NUBPL: variants seen among roughly 807,000 people sequenced by gnomAD.
NUBPL encodes the protein iron-sulfur cluster transfer protein NUBPL.
In NUBPL, 31 loss-of-function variants were observed where a neutral mutation model predicts 45.7. The observed-to-expected ratio is 0.68, with a 90% CI of 0.51 to 0.92. The LOEUF is 0.92. NUBPL is among the 40% of genes least tolerant of loss of function. The pLI, the probability that NUBPL is intolerant of heterozygous loss-of-function variation, is 0.00. For synonymous variants in NUBPL, 144 were observed against 140.9 expected (o/e 1.02, Z -0.15); for missense variants, 401 against 398.7 (o/e 1.01, Z -0.05).
intron 8 of NUBPL, among the ~76,000 whole-genome samples, chr14:31,835,110 G>C (rs2040261208): frequency 6.6e-6 from 1 of 152,170 alleles, no homozygotes; most frequent in Non-Finnish European, 1.5e-5. Flanking sequence ...GTATCATGTG[G>C]GCGATAAGGG....
chr14:31,701,983 T>G (rs1595516137), intron 6 of NUBPL, among the ~76,000 whole-genome samples: 1 of 152,338 alleles, frequency 6.6e-6, no homozygotes, highest in East Asian at 1.9e-4. Flanking sequence ...ATAGTCCCCA[T>G]GAGACTGCCC....
Position 31,813,710 on chromosome 14 carries a change from G to C in NUBPL, c.608-12919G>C, listed in dbSNP as rs923037447. On this transcript the variant is annotated intron_variant, in intron 7 of 10. Coordinates refer to ENST00000281081, the MANE Select transcript of NUBPL (RefSeq NM_025152.3). ...TGGCCCCCAACCTCTGACAGACCCTGGTGTGTGATATTCCATTCCCTATGT... is the reference window on the plus strand; with the variant it reads ...TGGCCCCCAACCTCTGACAGACCCTCGTGTGTGATATTCCATTCCCTATGT... Among the ~76,000 whole-genome samples, 7 of 152,078 alleles carry C rather than the reference G, an allele frequency of 4.6e-5. No individual in the cohort carries two copies. The East Asian group carries it at 1.2e-3, about 25-fold the overall frequency.
chr14:31,715,510 A>G (rs2037667591), intron 6 of NUBPL, among the ~76,000 whole-genome samples: 1 of 152,260 alleles, frequency 6.6e-6, no homozygotes, highest in Non-Finnish European at 1.5e-5. Flanking sequence ...CTCCTAGGCT[A>G]CAAAATTGAA....
intron 6 of NUBPL, among the ~76,000 whole-genome samples, chr14:31,674,507 T>G (rs1266845683): frequency 6.6e-6 from 1 of 152,136 alleles, no homozygotes; most frequent in Non-Finnish European, 1.5e-5. Flanking sequence ...TTTCTCCTCT[T>G]TTACTGTCAG....
intron 4 of NUBPL, among the ~76,000 whole-genome samples, chr14:31,651,542 T>C (rs895462494): frequency 1.3e-5 from 2 of 152,178 alleles, no homozygotes; most frequent in African/African-American, 4.8e-5. Flanking sequence ...ACCACACATC[T>C]GATAAAGGGT....
intron 8 of NUBPL, among the ~76,000 whole-genome samples, chr14:31,837,197 T>TAA (rs745653630): frequency 2.0e-5 from 3 of 152,170 alleles, no homozygotes; most frequent in South Asian, 2.1e-4. Flanking sequence ...GGCATGCATC[T>TAA]GTAGTCTCAG....
intron 6 of NUBPL, among the ~76,000 whole-genome samples, chr14:31,750,181 T>A (rs7493374): frequency 0.28 from 15,354 of 54,986 alleles, 915 homozygotes; most frequent in South Asian, 0.46. Flanking sequence ...TATTATTATT[T>A]TTTTTTTTTT....
At chr14:31,735,517 C>G (rs944082869) in intron 6 of NUBPL, among the ~76,000 whole-genome samples, 2 of 152,064 alleles carry the variant, frequency 1.3e-5, no homozygotes, top group Non-Finnish European at 2.9e-5. Context: ...TGTTTCCCAC[C>G]GTTTTATTAA....
At chr14:31,767,472 C>T (rs1011030885) in intron 6 of NUBPL, among the ~76,000 whole-genome samples, 1 of 152,128 alleles carries the variant, frequency 6.6e-6, no homozygotes, top group East Asian at 1.9e-4. Flanking sequence ...CTCAGCCTCC[C>T]AAAGTGCTGG....
In NUBPL at chr14:31,860,716, G is replaced by C. The variant is rs749795935; in HGVS notation, c.*1536G>C. On this transcript the variant is annotated 3_prime_UTR_variant, in exon 11 of 11. Coordinates refer to ENST00000281081, the MANE Select transcript of NUBPL (RefSeq NM_025152.3). Reference sequence around the variant, plus strand: ...ACATTGATGTTTATTGCAATTTTATGTGTAATAACCAAAAACAACCCAGAT... The same window carrying C: ...ACATTGATGTTTATTGCAATTTTATCTGTAATAACCAAAAACAACCCAGAT... 1 of 152,106 alleles carries C rather than the reference G, an allele frequency of 6.6e-6. No homozygotes were observed. The highest frequency in any genetic ancestry group is 1.5e-5 in the Non-Finnish European group (1 of 68,030). The allele number at this position is 152,106 out of a possible 1,614,324, so 9.4% of individuals were successfully genotyped here. A position where few individuals can be genotyped will look rare whatever the true frequency, so the allele number is the denominator to read the frequency against.
intron 6 of NUBPL, among the ~76,000 whole-genome samples, chr14:31,774,360 G>A (rs1232445110): frequency 6.6e-6 from 1 of 152,230 alleles, no homozygotes; most frequent in Non-Finnish European, 1.5e-5. Flanking sequence ...TAAACTGCTT[G>A]AACCAGCTGA....
Position 31,666,258 on chromosome 14 carries a change from T to TGTAG in NUBPL, c.383-7097_383-7096insGTAG, listed in dbSNP as rs1566487145. Among the ~76,000 whole-genome samples, 55 of 59,216 alleles carry TGTAG rather than the reference T, an allele frequency of 9.3e-4. 1 individual carries two copies. Among genetic ancestry groups the TGTAG allele is most frequent in the African/African-American group, 3.3e-3 (49 of 14,664 alleles). 38.8% of individuals were successfully genotyped at this position (59,216 alleles called of 152,430 possible). On this transcript the variant is annotated intron_variant, in intron 4 of 10. Transcript: ENST00000281081. ...ATATATATATATATATATATATATA[T>TGTAG]ATATAATTTTATTTTATTTTTTTTG...
chr14:31,626,939 G>GAGT (rs10622484), intron 4 of NUBPL, among the ~76,000 whole-genome samples: 47,895 of 151,672 alleles, frequency 0.32, 7,997 homozygotes, highest in South Asian at 0.41. Context: ...ATCATGAAGG[G>GAGT]AGTACATCAG....
At chr14:31,633,538 A>G (rs2035400976) in intron 4 of NUBPL, among the ~76,000 whole-genome samples, 1 of 152,158 alleles carries the variant, frequency 6.6e-6, no homozygotes, top group South Asian at 2.1e-4. Flanking sequence ...GTGCCAACAT[A>G]AGAACCAGGA....
chr14:31,777,958 A>T lies in NUBPL; in HGVS notation c.514-9822A>T, dbSNP rs140431389. 2.1e-3 allele frequency among the ~76,000 whole-genome samples: 321 copies of T among 152,290 alleles called. 1 individual carries two copies. Among genetic ancestry groups the T allele is most frequent in the African/African-American group, 7.4e-3 (307 of 41,554 alleles). On this transcript the variant is annotated intron_variant, in intron 6 of 10. Coordinates refer to ENST00000281081, the MANE Select transcript of NUBPL (RefSeq NM_025152.3). ...TGCAGAAAAGTTTCTGACCATTCCAAACAGAACCTAGTCCAAACCAGGACC... is the reference window on the plus strand; with the variant it reads ...TGCAGAAAAGTTTCTGACCATTCCATACAGAACCTAGTCCAAACCAGGACC...
At chr14:31,768,700 GAA>G (rs2038956689) in intron 6 of NUBPL, among the ~76,000 whole-genome samples, 1 of 152,136 alleles carries the variant, frequency 6.6e-6, no homozygotes, top group Non-Finnish European at 1.5e-5. Context: ...AAGAAGCTTT[GAA>G]AAACAGTCTA....
chr14:31,829,269 T>G (rs1008799503), intron 8 of NUBPL, among the ~76,000 whole-genome samples: 1 of 152,200 alleles, frequency 6.6e-6, no homozygotes, highest in Non-Finnish European at 1.5e-5. Flanking sequence ...CTCTCTTTTT[T>G]TTTTTCCACC....
chr14:31,777,571 A>G (rs984339173), intron 6 of NUBPL, among the ~76,000 whole-genome samples: 1 of 152,184 alleles, frequency 6.6e-6, no homozygotes, highest in Admixed American at 6.6e-5. Context: ...CCCAAATATG[A>G]GGAGGATCAT....
At chr14:31,660,838 G>T (rs1360080535) in intron 4 of NUBPL, among the ~76,000 whole-genome samples, 2 of 152,116 alleles carry the variant, frequency 1.3e-5, no homozygotes, top group African/African-American at 4.8e-5. Flanking sequence ...CCAAGTACAT[G>T]GTGACATCTA....
Sources: allele counts gnomAD v4.1 joint callset (sites outside exome capture counted in the v4.1 genomes callset), GRCh38; gene constraint gnomAD v4.1.1; transcripts MANE v1.5; gene names NCBI Gene and HGNC (gene_info 2026-07-23, HGNC 2026-07-21).